MCC: variants seen among roughly 807,000 people sequenced by gnomAD.
MCC encodes MCC regulator of Wnt signaling pathway.
Under a neutral mutation model 116.2 loss-of-function variants are expected in MCC, and 90 were observed. That is an observed-to-expected ratio of 0.77 (90% confidence interval 0.65 to 0.92). The LOEUF (loss-of-function observed/expected upper bound fraction) is 0.92, where lower values mean the gene tolerates loss of function less well. Ranked by LOEUF, MCC falls within the 40% of genes least tolerant of loss-of-function variation. The probability of loss-of-function intolerance (pLI) is 0.00; values close to 1 mark genes in which losing one functional copy is unlikely to be tolerated. For synonymous variants in MCC, 578 were observed against 510.5 expected (o/e 1.13, Z -1.78); for missense variants, 1,516 against 1,312.2 (o/e 1.16, Z -2.40).
rs1324545852 is a variant in MCC, at chr5:113,130,151, A to G, written c.885-7325T>C. On this transcript the variant is annotated intron_variant, in intron 5 of 18. Coordinates refer to ENST00000408903, the MANE Select transcript of MCC (RefSeq NM_001085377.2). ...ACATATATACCATGGAATACTATGCATCCATAAAAAAGAATTGAGTTCATG... is the reference window on the plus strand; with the variant it reads ...ACATATATACCATGGAATACTATGCGTCCATAAAAAAGAATTGAGTTCATG... Among the ~76,000 whole-genome samples the G allele has an allele frequency of 3.9e-5, 6 of 152,372 alleles. No individual in the cohort carries two copies. The East Asian group carries it at 1.2e-3, about 29-fold the overall frequency.
At chr5:113,323,410 C>T (rs895576665) in intron 3 of MCC, 24 of 152,290 alleles carry the variant, frequency 1.6e-4, no homozygotes, top group African/African-American at 5.8e-4. Context: ...TCAGGAAAGG[C>T]TTCTTTGAGA....
rs6895843 is a variant in MCC, at chr5:113,194,224, C to G, written c.628-42802G>C. Among the ~76,000 whole-genome samples the G allele has an allele frequency of 7.0e-3, 1,062 of 152,292 alleles. 15 individuals are homozygous for G. The highest frequency in any genetic ancestry group is 0.025 in the African/African-American group (1,023 of 41,550). On this transcript the variant is annotated intron_variant, in intron 3 of 18. Transcript: ENST00000408903. ...TATGTCATAAAGAAATCCAGGCATCCAGCAGGGGGACATGGTGATAACCTA... is the reference window on the plus strand; with the variant it reads ...TATGTCATAAAGAAATCCAGGCATCGAGCAGGGGGACATGGTGATAACCTA...
At chr5:113,295,008 G>C in intron 3 of MCC, 2 of 968,506 alleles carry the variant, frequency 2.1e-6, no homozygotes, top group South Asian at 9.5e-5. Flanking sequence ...CGGGGCTAGA[G>C]GGAGAAAAGG....
At chr5:113,287,644 T>TTGCTATAAA (rs1766316119) in intron 3 of MCC, among the ~76,000 whole-genome samples, 1 of 152,188 alleles carries the variant, frequency 6.6e-6, no homozygotes, top group African/African-American at 2.4e-5. Context: ...CTTCTTAATT[T>TTGCTATAAA]TGCTATAAAT....
chr5:113,040,099 C>T (rs1407408433), intron 17 of MCC, among the ~76,000 whole-genome samples: 1 of 151,582 alleles, frequency 6.6e-6, no homozygotes, highest in African/African-American at 2.4e-5. Flanking sequence ...ATGGCAATAC[C>T]ACAGCCAACA....
At position 113,488,348 on chromosome 5, in the gene MCC, C is replaced by CGCTGCCGCCGCCGCCGCCGCCGCTGCT. The variant is rs1772611722; in HGVS notation, c.40_66dup (p.Ser14_Ser22dup). 1 of 1,446,228 alleles carries CGCTGCCGCCGCCGCCGCCGCCGCTGCT rather than the reference C, an allele frequency of 6.9e-7. No individual in the cohort carries two copies. Among genetic ancestry groups the CGCTGCCGCCGCCGCCGCCGCCGCTGCT allele is most frequent in the Non-Finnish European group, 9.2e-7 (1 of 1,084,496 alleles). 89.6% of individuals were successfully genotyped at this position (1,446,228 alleles called of 1,614,324 possible). Reference sequence around the variant, plus strand: ...GTGTCGCTGCTGCTGCTGCTGCTGCCGCTGCCGCCGCCGCCGCCGCCGCTG... The same window carrying CGCTGCCGCCGCCGCCGCCGCCGCTGCT: ...GTGTCGCTGCTGCTGCTGCTGCTGCCGCTGCCGCCGCCGCCGCCGCCGCTGCTGCTGCCGCCGCCGCCGCCGCCGCTG... On this transcript the variant is annotated inframe_insertion, in exon 1 of 19. Coordinates refer to ENST00000408903, the MANE Select transcript of MCC (RefSeq NM_001085377.2).
At chr5:113,385,538 T>C (rs749428356) in intron 1 of MCC, among the ~76,000 whole-genome samples, 5 of 152,222 alleles carry the variant, frequency 3.3e-5, no homozygotes, top group South Asian at 2.1e-4. Flanking sequence ...CTGAAGAGCA[T>C]AGCACTGTAA....
At chr5:113,200,897 A>G (rs1762642771) in intron 3 of MCC, among the ~76,000 whole-genome samples, 1 of 152,226 alleles carries the variant, frequency 6.6e-6, no homozygotes, top group African/African-American at 2.4e-5. Context: ...AAATCTTTCA[A>G]TGCATTTGGC....
At chr5:113,161,675 C>T (rs992526341) in intron 3 of MCC, among the ~76,000 whole-genome samples, 6 of 146,288 alleles carry the variant, frequency 4.1e-5, no homozygotes, top group African/African-American at 1.6e-4. Context: ...TGTGTGTCTA[C>T]ACATACCCAT....
chr5:113,461,744 T>TAAAAAAA (rs56312844), intron 1 of MCC, among the ~76,000 whole-genome samples: 2 of 118,850 alleles, frequency 1.7e-5, no homozygotes, highest in African/African-American at 3.1e-5. Flanking sequence ...CTTGCACCAG[T>TAAAAAAA]AAAAAAAAAA....
chr5:113,079,500 A>G (rs1581008772), intron 11 of MCC, among the ~76,000 whole-genome samples: 1 of 152,176 alleles, frequency 6.6e-6, no homozygotes, highest in South Asian at 2.1e-4. Flanking sequence ...CAGAAATAAT[A>G]CCGCACATCT....
chr5:113,342,487 T>G (rs1561531307), intron 2 of MCC, among the ~76,000 whole-genome samples: 1 of 152,156 alleles, frequency 6.6e-6, no homozygotes, highest in Non-Finnish European at 1.5e-5. Context: ...TACAGACGAT[T>G]AGAAGGTAAT....
At chr5:113,115,124 A>C (rs1009215373) in intron 6 of MCC, among the ~76,000 whole-genome samples, 2 of 152,174 alleles carry the variant, frequency 1.3e-5, no homozygotes, top group Non-Finnish European at 2.9e-5. Flanking sequence ...CTGTGGGGCC[A>C]TCACGGAGTT....
At chr5:113,302,650 A>C (rs1268828167) in intron 3 of MCC, among the ~76,000 whole-genome samples, 1 of 152,220 alleles carries the variant, frequency 6.6e-6, no homozygotes, top group Non-Finnish European at 1.5e-5. Flanking sequence ...TCTGGGATTC[A>C]TGTCAAAGTA....
chr5:113,261,603 G>A (rs2150348686), intron 3 of MCC, among the ~76,000 whole-genome samples: 1 of 152,168 alleles, frequency 6.6e-6, no homozygotes, highest in African/African-American at 2.4e-5. Flanking sequence ...TAACAGTTAT[G>A]GGAAAAACTG....
intron 3 of MCC, among the ~76,000 whole-genome samples, chr5:113,240,702 T>C (rs1470867632): frequency 6.6e-6 from 1 of 152,198 alleles, no homozygotes; most frequent in African/African-American, 2.4e-5. Context: ...TTTTTTCCTA[T>C]ACTCAGAGAG....
chr5:113,065,222 C>A (rs959273441), intron 13 of MCC, among the ~76,000 whole-genome samples: 1 of 152,084 alleles, frequency 6.6e-6, no homozygotes, highest in Non-Finnish European at 1.5e-5. Flanking sequence ...ACTGTAGGTT[C>A]ATCACTTGTA....
At chr5:113,480,690 T>A (rs1375941256) in intron 1 of MCC, among the ~76,000 whole-genome samples, 2 of 152,232 alleles carry the variant, frequency 1.3e-5, no homozygotes, top group East Asian at 3.8e-4. Flanking sequence ...CCCTAAATAT[T>A]TTGATGTCAC....
chr5:113,052,278 G>A (rs1371444997), intron 15 of MCC, among the ~76,000 whole-genome samples: 3 of 152,176 alleles, frequency 2.0e-5, no homozygotes, highest in East Asian at 1.9e-4. Flanking sequence ...CATAGCTCGT[G>A]CCACAGGCTG....
Sources: allele counts gnomAD v4.1 joint callset (sites outside exome capture counted in the v4.1 genomes callset), GRCh38; gene constraint gnomAD v4.1.1; transcripts MANE v1.5; gene names NCBI Gene and HGNC (gene_info 2026-07-23, HGNC 2026-07-21).